The following MCTP2 variants were observed in gnomAD, a reference collection of about 807,000 sequenced individuals.
MCTP2 encodes the protein multiple C2 and transmembrane domain-containing protein 2.
In MCTP2, 132 loss-of-function variants were observed where a neutral mutation model predicts 111.6. The ratio of observed to expected loss-of-function variants is 1.18; its 90% confidence interval spans 1.03 to 1.37. The LOEUF (loss-of-function observed/expected upper bound fraction) is 1.37, where lower values mean the gene tolerates loss of function less well. MCTP2 is among the 40% of genes most tolerant of loss of function. MCTP2 has a pLI of 0.00. For synonymous variants in MCTP2, 395 were observed against 387.7 expected (o/e 1.02, Z -0.22); for missense variants, 1,183 against 1,067.9 (o/e 1.11, Z -1.50).
chr15:94,458,091 TAAA>T (rs775387976), intron 19 of MCTP2, 43 bp from the exon 20 acceptor site: 1 of 1,063,284 alleles, frequency 9.4e-7, no homozygotes, highest in African/African-American at 1.6e-5. Flanking sequence ...ATCAGCATGA[TAAA>T]AAATGAAGTA....
chr15:94,404,867 C>T (rs1337565700), intron 17 of MCTP2, among the ~76,000 whole-genome samples: 1 of 152,170 alleles, frequency 6.6e-6, no homozygotes, highest in Non-Finnish European at 1.5e-5. Flanking sequence ...CCTTTCTTCA[C>T]TATGCAACTG....
intron 8 of MCTP2, among the ~76,000 whole-genome samples, chr15:94,352,492 G>A (rs1016350293): frequency 2.0e-5 from 3 of 152,162 alleles, no homozygotes; most frequent in African/African-American, 7.2e-5. Context: ...TCCTTTGGGA[G>A]GAAGGAGAAA....
At chr15:94,254,455 G>A (rs1256849472) in intron 1 of MCTP2, among the ~76,000 whole-genome samples, 1 of 152,106 alleles carries the variant, frequency 6.6e-6, no homozygotes, top group Non-Finnish European at 1.5e-5. Flanking sequence ...ACATAGGATT[G>A]GTATTTTTAC....
chr15:94,275,845 T>A (rs1328959166), intron 1 of MCTP2, among the ~76,000 whole-genome samples: 38 of 52,320 alleles, frequency 7.3e-4, no homozygotes, highest in Non-Finnish European at 2.5e-4. Flanking sequence ...TTTATAAGCA[T>A]TTTTTTTTTT....
chr15:94,376,998 A>G (rs1486789382), intron 12 of MCTP2, among the ~76,000 whole-genome samples: 1 of 152,232 alleles, frequency 6.6e-6, no homozygotes, highest in African/African-American at 2.4e-5. Flanking sequence ...CCCACATTAT[A>G]GAGTAAAAAT....
At chr15:94,243,320 CATACGTATGCGTAT>C (rs1452550414) in intron 1 of MCTP2, among the ~76,000 whole-genome samples, 20 of 137,510 alleles carry the variant, frequency 1.5e-4, no homozygotes, top group East Asian at 6.5e-4. Flanking sequence ...CGTATGCGTA[CATACGTATGCGTAT>C]ATGCGTATGT....
intron 1 of MCTP2, among the ~76,000 whole-genome samples, chr15:94,245,443 C>T (rs1261853520): frequency 7.6e-6 from 1 of 132,052 alleles, no homozygotes; most frequent in African/African-American, 2.8e-5. Flanking sequence ...TATATATACA[C>T]ATATATGTAT....
At chr15:94,384,169 G>T in intron 13 of MCTP2, 45 bp downstream of exon 13, 6 of 1,320,954 alleles carry the variant, frequency 4.5e-6, no homozygotes, top group Non-Finnish European at 6.5e-6. Context: ...TGCTTGGAAG[G>T]TAGTCTGGGG....
At chr15:94,354,906 C>G (rs1476324841) in intron 8 of MCTP2, among the ~76,000 whole-genome samples, 1 of 152,126 alleles carries the variant, frequency 6.6e-6, no homozygotes, top group African/African-American at 2.4e-5. Flanking sequence ...CGAGCGATGA[C>G]AGGAATGAAT....
intron 4 of MCTP2, among the ~76,000 whole-genome samples, chr15:94,322,403 T>C (rs2076672427): frequency 1.3e-5 from 2 of 152,238 alleles, no homozygotes; most frequent in African/African-American, 4.8e-5. Flanking sequence ...TTACTGTCTG[T>C]TACTTTCTGT....
At chr15:94,304,059 C>G (rs1419926929) in intron 2 of MCTP2, among the ~76,000 whole-genome samples, 1 of 152,194 alleles carries the variant, frequency 6.6e-6, no homozygotes, top group African/African-American at 2.4e-5. Flanking sequence ...GGTCATCTAG[C>G]TCAGAGGACT....
Position 94,315,665 on chromosome 15 carries a change from G to A in MCTP2, c.637+28G>A, listed in dbSNP as rs191343327. On this transcript the variant is annotated intron_variant, in intron 4 of 22. Transcript: ENST00000357742. ...AAGACCTGGGTCTGTTATGGTGGGT[G>A]TAGCCTGGAAACTTCTTTCTCTCTG... 258 of 1,519,282 alleles carry A rather than the reference G, an allele frequency of 1.7e-4. 1 individual carries two copies. The African/African-American group carries it at 3.0e-3, about 18-fold the overall frequency. The allele number at this position is 1,519,282 out of a possible 1,614,324, so 94.1% of individuals were successfully genotyped here. A position where few individuals can be genotyped will look rare whatever the true frequency, so the allele number is the denominator to read the frequency against.
rs2074610327 is a variant in MCTP2, at chr15:94,479,314, T to G, written c.*280T>G. 2 of 465,226 alleles carry G rather than the reference T, an allele frequency of 4.3e-6. No individual in the cohort carries two copies. Among genetic ancestry groups the G allele is most frequent in the Admixed American group, 6.7e-5 (2 of 29,946 alleles). 28.8% of individuals were successfully genotyped at this position (465,226 alleles called of 1,614,324 possible). On this transcript the variant is annotated 3_prime_UTR_variant, in exon 23 of 23. Transcript: ENST00000357742. ...ATTCTGAAATAGGAGATAACAAGGCTGCCATGGATCTGAACACCACCTTCC... is the reference window on the plus strand; with the variant it reads ...ATTCTGAAATAGGAGATAACAAGGCGGCCATGGATCTGAACACCACCTTCC...
intron 14 of MCTP2, among the ~76,000 whole-genome samples, chr15:94,391,923 C>A (rs1286247507): frequency 1.3e-5 from 2 of 152,044 alleles, no homozygotes; most frequent in Non-Finnish European, 2.9e-5. Flanking sequence ...TACATGGATT[C>A]AAAGAGTAAA....
In MCTP2 at chr15:94,414,465, G is replaced by A. The variant is rs868793221; in HGVS notation, c.2085+12446G>A. Among the ~76,000 whole-genome samples the A allele has an allele frequency of 5.3e-5, 8 of 152,192 alleles. No individual in the cohort carries two copies. In the East Asian group the frequency reaches 1.3e-3, roughly 26 times the overall value. On this transcript the variant is annotated intron_variant, in intron 17 of 22. Transcript: ENST00000357742. ...TTAGCAGCTGACCAAAATCTAATCC[G>A]TTAAAAAATACATCGTGGTAAGCAG... is the stretch of plus-strand genomic sequence containing the variant.
intron 20 of MCTP2, among the ~76,000 whole-genome samples, chr15:94,462,709 C>G (rs2085290983): frequency 6.6e-6 from 1 of 152,168 alleles, no homozygotes; most frequent in African/African-American, 2.4e-5. Flanking sequence ...TTTCTGAGTT[C>G]AAATCCCAGT....
chr15:94,348,518 C>T (rs564919748), intron 8 of MCTP2, among the ~76,000 whole-genome samples: 2 of 126,832 alleles, frequency 1.6e-5, no homozygotes, highest in East Asian at 2.4e-4. Flanking sequence ...TGAACTGCTC[C>T]GTGACCAGAG....
At chr15:94,317,810 T>C (rs1389684162) in intron 4 of MCTP2, among the ~76,000 whole-genome samples, 1 of 152,222 alleles carries the variant, frequency 6.6e-6, no homozygotes, top group Non-Finnish European at 1.5e-5. Context: ...CTCTCTCTCT[T>C]GCTCATGTTT....
intron 8 of MCTP2, among the ~76,000 whole-genome samples, chr15:94,350,093 A>C (rs2078222790): frequency 6.6e-6 from 1 of 152,190 alleles, no homozygotes; most frequent in South Asian, 2.1e-4. Context: ...CCTCCAGGTG[A>C]CTGTCAAGCA....
Sources: allele counts gnomAD v4.1 joint callset (sites outside exome capture counted in the v4.1 genomes callset), GRCh38; gene constraint gnomAD v4.1.1; transcripts MANE v1.5; gene names NCBI Gene and HGNC (gene_info 2026-07-23, HGNC 2026-07-21).